KIAA1549L: variants seen among roughly 807,000 people sequenced by gnomAD.
KIAA1549L encodes UPF0606 protein KIAA1549L.
In KIAA1549L, 88 loss-of-function variants were observed where a neutral mutation model predicts 160.7. That is an observed-to-expected ratio of 0.55 (90% CI 0.46 to 0.65). The LOEUF (loss-of-function observed/expected upper bound fraction) is 0.65. Ranked by LOEUF, KIAA1549L falls within the 30% of genes least tolerant of loss-of-function variation. KIAA1549L has a pLI of 0.00. For synonymous variants in KIAA1549L, 950 were observed against 976.7 expected (o/e 0.97, Z 0.51); for missense variants, 2,258 against 2,437.5 (o/e 0.93, Z 1.55).
At chr11:33,399,424 G>A (rs1232646376) in intron 1 of KIAA1549L, among the ~76,000 whole-genome samples, 1 of 152,186 alleles carries the variant, frequency 6.6e-6, no homozygotes, top group Admixed American at 6.5e-5. Context: ...AATCCCACGA[G>A]TGGTGGTATA....
rs143332765 is a variant in KIAA1549L, at chr11:33,510,181, C to T, written c.239-31621C>T. On this transcript the variant is annotated intron_variant, in intron 1 of 20. Coordinates refer to ENST00000658780, the MANE Select transcript of KIAA1549L (RefSeq NM_012194.3). ...CTCTCTTTCATATATCTCTCTCAGT[C>T]TCTTGATCTCTTGATTTCTCTTTCT... is the stretch of plus-strand genomic sequence containing the variant. Among the ~76,000 whole-genome samples the T allele has an allele frequency of 7.9e-3, 1,203 of 152,142 alleles. 12 individuals are homozygous for T. The highest frequency in any genetic ancestry group is 0.028 in the African/African-American group (1,152 of 41,504).
chr11:33,565,064 A>G (rs566661445), intron 8 of KIAA1549L, among the ~76,000 whole-genome samples: 6 of 152,192 alleles, frequency 3.9e-5, no homozygotes, highest in Non-Finnish European at 8.8e-5. Flanking sequence ...CTGGGGGACC[A>G]GGGCCCTGGC....
chr11:33,559,659 T>G lies in KIAA1549L; in HGVS notation c.3856-90T>G, dbSNP rs1045259504. ...CCCTTTCATTCCTTCCCTCAACTCC[T>G]GCTTAGCCTCCCCCTCCCATGGCCT... On this transcript the variant is annotated intron_variant, in intron 6 of 20. Transcript: ENST00000658780. The G allele has an allele frequency of 7.5e-6, 8 of 1,070,770 alleles. No homozygotes were observed. The African/African-American group carries it at 1.2e-4, about 17-fold the overall frequency. 66.3% of individuals were successfully genotyped at this position (1,070,770 alleles called of 1,614,324 possible). A position where few individuals can be genotyped will look rare whatever the true frequency, so the allele number is the denominator to read the frequency against.
intron 1 of KIAA1549L, among the ~76,000 whole-genome samples, chr11:33,379,429 A>G (rs930634273): frequency 2.0e-5 from 3 of 152,146 alleles, no homozygotes; most frequent in African/African-American, 7.2e-5. Context: ...TCTTGCTTCC[A>G]GTCAGTAAGC....
At chr11:33,599,274 A>G (rs1850291757) in intron 13 of KIAA1549L, 1 of 165,508 alleles carries the variant, frequency 6.0e-6, no homozygotes, top group Non-Finnish European at 1.3e-5. Flanking sequence ...TAAAATTTCT[A>G]ATTTCTAATC....
At chr11:33,388,658 C>T (rs1850218944) in intron 1 of KIAA1549L, among the ~76,000 whole-genome samples, 1 of 152,162 alleles carries the variant, frequency 6.6e-6, no homozygotes, top group African/African-American at 2.4e-5. Flanking sequence ...TAAATTGTGT[C>T]ATGAGAGAAC....
At chr11:33,622,221 AG>A (rs1564928299) in intron 16 of KIAA1549L, among the ~76,000 whole-genome samples, 1 of 152,222 alleles carries the variant, frequency 6.6e-6, no homozygotes, top group Non-Finnish European at 1.5e-5. Context: ...AAGGGGTATC[AG>A]GCGAGGTCCA....
chr11:33,479,275 G>A (rs572897017), intron 1 of KIAA1549L, among the ~76,000 whole-genome samples: 2 of 152,342 alleles, frequency 1.3e-5, no homozygotes, highest in African/African-American at 4.8e-5. Context: ...AGGCCAGAGG[G>A]CATTCAAGTG....
At chr11:33,452,624 ATG>A (rs1851744560) in intron 1 of KIAA1549L, among the ~76,000 whole-genome samples, 1 of 152,062 alleles carries the variant, frequency 6.6e-6, no homozygotes, top group African/African-American at 2.4e-5. Flanking sequence ...ATATGTATGT[ATG>A]TATGTATGTA....
intron 16 of KIAA1549L, among the ~76,000 whole-genome samples, chr11:33,643,065 G>A (rs535622895): frequency 1.3e-5 from 2 of 152,222 alleles, no homozygotes; most frequent in Admixed American, 6.5e-5. Context: ...TGTAGCTATC[G>A]AGAGATGATT....
intron 10 of KIAA1549L, among the ~76,000 whole-genome samples, chr11:33,581,820 G>C (rs1404931043): frequency 6.6e-6 from 1 of 152,028 alleles, no homozygotes; most frequent in African/African-American, 2.4e-5. Context: ...TTATTAATGT[G>C]TCCAAGATAA....
At position 33,533,767 on chromosome 11, in the gene KIAA1549L, C is replaced by G. The variant is rs181905950; in HGVS notation, c.239-8035C>G. On this transcript the variant is annotated intron_variant, in intron 1 of 20. Coordinates refer to ENST00000658780, the MANE Select transcript of KIAA1549L (RefSeq NM_012194.3). ...TGTCTCCTTGAGATGGGAGGGATGACTCATTTTAACTTTTTATTATTTTGA... is the reference window on the plus strand; with the variant it reads ...TGTCTCCTTGAGATGGGAGGGATGAGTCATTTTAACTTTTTATTATTTTGA... Among the ~76,000 whole-genome samples, 183 of 152,260 alleles carry G rather than the reference C, an allele frequency of 1.2e-3. No homozygotes were observed. The South Asian group carries it at 0.025, about 21-fold the overall frequency.
At chr11:33,454,285 C>T (rs10836063) in intron 1 of KIAA1549L, among the ~76,000 whole-genome samples, 37,570 of 152,044 alleles carry the variant, frequency 0.25, 4,837 homozygotes, top group South Asian at 0.39. Flanking sequence ...TCTAGCACCC[C>T]GAAATTAGCA....
chr11:33,411,185 A>T (rs1217871457), intron 1 of KIAA1549L, among the ~76,000 whole-genome samples: 1 of 152,228 alleles, frequency 6.6e-6, no homozygotes, highest in African/African-American at 2.4e-5. Context: ...AAGCTAGTAT[A>T]GGGTGTTTTT....
At chr11:33,655,041 G>A (rs1330611684) in intron 17 of KIAA1549L, among the ~76,000 whole-genome samples, 1 of 152,168 alleles carries the variant, frequency 6.6e-6, no homozygotes, top group Non-Finnish European at 1.5e-5. Context: ...CCTGAAGAAA[G>A]AAACGGATGA....
chr11:33,418,908 T>G (rs200872025), intron 1 of KIAA1549L, among the ~76,000 whole-genome samples: 55 of 138,282 alleles, frequency 4.0e-4, no homozygotes, highest in South Asian at 6.8e-4. Flanking sequence ...TTGGGTGGGG[T>G]GGGGTGTTTG....
chr11:33,377,488 C>A (rs1849980903), intron 1 of KIAA1549L, among the ~76,000 whole-genome samples: 1 of 151,978 alleles, frequency 6.6e-6, no homozygotes. Context: ...TCCAGCAATC[C>A]CCAGGAAATA....
chr11:33,553,794 T>C lies in KIAA1549L; in HGVS notation c.3855+1553T>C, dbSNP rs377259536. Among the ~76,000 whole-genome samples, 252 of 152,342 alleles carry C rather than the reference T, an allele frequency of 1.7e-3. 10 individuals carry two copies. In the South Asian group the frequency reaches 0.05, roughly 30 times the overall value. On this transcript the variant is annotated intron_variant, in intron 6 of 20. Transcript: ENST00000658780. The stretch of plus-strand genomic sequence containing the variant: ...GCACAGACTTATTGAGTATCTGCTA[T>C]TTATCAGGCACTGGGAAGGACACCA...
At chr11:33,505,834 A>G (rs1853072186) in intron 1 of KIAA1549L, among the ~76,000 whole-genome samples, 1 of 152,224 alleles carries the variant, frequency 6.6e-6, no homozygotes, top group Non-Finnish European at 1.5e-5. Flanking sequence ...CCAGGACTTC[A>G]AAATATTTCA....
Sources: allele counts gnomAD v4.1 joint callset (sites outside exome capture counted in the v4.1 genomes callset), GRCh38; gene constraint gnomAD v4.1.1; transcripts MANE v1.5; gene names NCBI Gene and HGNC (gene_info 2026-07-23, HGNC 2026-07-21).